The following INSL6 variants were observed in gnomAD, a reference collection of about 807,000 sequenced individuals.
INSL6 encodes insulin-like peptide INSL6.
Under a neutral mutation model 9.4 loss-of-function variants are expected in INSL6, and 16 were observed. The ratio of observed to expected loss-of-function variants is 1.70; its 90% CI spans 1.15 to 2.59. The LOEUF (loss-of-function observed/expected upper bound fraction) is 2.59. INSL6 is among the 30% of genes most tolerant of loss of function. The probability of loss-of-function intolerance (pLI) is 0.00; values close to 1 mark genes in which losing one functional copy is unlikely to be tolerated. For synonymous variants in INSL6, 154 were observed against 96.9 expected (o/e 1.59, Z -3.46); for missense variants, 391 against 257.3 (o/e 1.52, Z -3.56).
chr9:5,175,194 C>T (rs1825270981), intron 1 of INSL6, among the ~76,000 whole-genome samples: 1 of 152,128 alleles, frequency 6.6e-6, no homozygotes, highest in Non-Finnish European at 1.5e-5. Flanking sequence ...CCTGCCTCGG[C>T]CTCCCAAAGT....
the INSL6 span, among the ~76,000 whole-genome samples, chr9:5,042,165 T>C: frequency 3.3e-4 from 49 of 147,414 alleles, no homozygotes; most frequent in South Asian, 6.4e-4. Context: ...GAGTCTCGCT[T>C]TGTCGCCCAG....
the INSL6 span, among the ~76,000 whole-genome samples, chr9:5,003,776 C>T: frequency 2.0e-4 from 31 of 152,080 alleles, no homozygotes; most frequent in African/African-American, 4.6e-4. Flanking sequence ...ATGATTGTTA[C>T]GTTTTTGAAC....
chr9:5,100,618 G>GA, the INSL6 span: 1 of 152,240 alleles, frequency 6.6e-6, no homozygotes, highest in Non-Finnish European at 1.5e-5. Flanking sequence ...CAAACGCTTA[G>GA]AAGTACCTTT....
At chr9:4,994,943 C>CGTGTGT in the INSL6 span, among the ~76,000 whole-genome samples, 20 of 151,002 alleles carry the variant, frequency 1.3e-4, no homozygotes, top group African/African-American at 4.6e-4. Flanking sequence ...TTTGTCAGGG[C>CGTGTGT]GTGTGTGTGT....
chr9:5,156,083 A>G (rs1299494979), intron 2 of INSL6, among the ~76,000 whole-genome samples: 1 of 152,158 alleles, frequency 6.6e-6, no homozygotes, highest in African/African-American at 2.4e-5. Context: ...ATGATGAAAA[A>G]CTTTATGCCA....
the INSL6 span, among the ~76,000 whole-genome samples, chr9:5,032,113 G>C: frequency 6.6e-6 from 1 of 152,226 alleles, no homozygotes; most frequent in Non-Finnish European, 1.5e-5. Flanking sequence ...CCCGCGCCTG[G>C]CTCAGAGGGT....
downstream of INSL6, among the ~76,000 whole-genome samples, chr9:5,159,983 T>G (rs1824891629): frequency 6.6e-6 from 1 of 152,108 alleles, no homozygotes; most frequent in African/African-American, 2.4e-5. Context: ...GAGACCAACC[T>G]GGCCAACATG....
At chr9:5,117,241 T>C in the INSL6 span, among the ~76,000 whole-genome samples, 3 of 152,356 alleles carry the variant, frequency 2.0e-5, no homozygotes, top group African/African-American at 7.2e-5. Flanking sequence ...CATTGTCAGG[T>C]ACTCTGTTAT....
chr9:5,101,668 G>T, the INSL6 span, among the ~76,000 whole-genome samples: 2 of 152,188 alleles, frequency 1.3e-5, no homozygotes, highest in African/African-American at 4.8e-5. Flanking sequence ...TGTCTGGGAC[G>T]AAGCTTCCAG....
intron 1 of INSL6, among the ~76,000 whole-genome samples, chr9:5,177,873 T>C (rs1490678242): frequency 6.6e-6 from 1 of 151,580 alleles, no homozygotes. Context: ...TGCTTCTTTC[T>C]TTTTCTTCTT....
the INSL6 span, chr9:5,066,870 T>C: frequency 1.1e-5 from 6 of 542,432 alleles, no homozygotes; most frequent in Non-Finnish European, 1.8e-5. Flanking sequence ...CCATATTTCC[T>C]TTTTAATACT....
the INSL6 span, chr9:5,050,889 G>C: frequency 2.1e-6 from 3 of 1,427,154 alleles, no homozygotes; most frequent in South Asian, 2.4e-5. Flanking sequence ...TATATAATTC[G>C]TATATATTTT....
intron 1 of INSL6, among the ~76,000 whole-genome samples, chr9:5,173,343 A>G (rs548702830): frequency 6.6e-6 from 1 of 152,340 alleles, no homozygotes; most frequent in African/African-American, 2.4e-5. Context: ...ACAATAGCAA[A>G]GACATGAATT....
At chr9:5,118,381 T>G in the INSL6 span, among the ~76,000 whole-genome samples, 4 of 152,338 alleles carry the variant, frequency 2.6e-5, no homozygotes, top group South Asian at 2.1e-4. Context: ...AACCAAGATA[T>G]GTATATAAGT....
chr9:5,036,870 A>G, the INSL6 span, among the ~76,000 whole-genome samples: 1 of 152,252 alleles, frequency 6.6e-6, no homozygotes, highest in African/African-American at 2.4e-5. Context: ...ATGGGATCTC[A>G]TTAAACCAAA....
the INSL6 span, among the ~76,000 whole-genome samples, chr9:5,038,694 T>C: frequency 6.6e-6 from 1 of 152,072 alleles, no homozygotes; most frequent in East Asian, 1.9e-4. Flanking sequence ...CTCTGATGAA[T>C]ATTTCTTTTG....
chr9:5,034,159 G>T, the INSL6 span, among the ~76,000 whole-genome samples: 1 of 152,120 alleles, frequency 6.6e-6, no homozygotes, highest in Non-Finnish European at 1.5e-5. Flanking sequence ...ATTACATAAT[G>T]GTAAAGGGAT....
the INSL6 span, among the ~76,000 whole-genome samples, chr9:5,091,929 T>C: frequency 3.3e-5 from 5 of 151,908 alleles, no homozygotes; most frequent in African/African-American, 9.7e-5. Flanking sequence ...TGGAGTGGTA[T>C]AGTTGTTTGG....
chr9:5,176,388 A>G (rs2130917269), intron 1 of INSL6, among the ~76,000 whole-genome samples: 1 of 152,244 alleles, frequency 6.6e-6, no homozygotes, highest in Admixed American at 6.5e-5. Flanking sequence ...CTACTTTCAA[A>G]TATTTACTTA....
Sources: allele counts gnomAD v4.1 joint callset (sites outside exome capture counted in the v4.1 genomes callset), GRCh38; gene constraint gnomAD v4.1.1; transcripts MANE v1.5; gene names NCBI Gene and HGNC (gene_info 2026-07-23, HGNC 2026-07-21).